The following NOC3L variants were observed in gnomAD, a reference collection of about 807,000 sequenced individuals.
NOC3L encodes the protein nucleolar complex protein 3 homolog.
In NOC3L, 85 loss-of-function variants were observed where a neutral mutation model predicts 102.5. That is an observed-to-expected ratio of 0.83 (90% confidence interval 0.70 to 0.99). NOC3L has a LOEUF of 0.99. NOC3L is among the 50% of genes least tolerant of loss of function. The probability of loss-of-function intolerance (pLI) is 0.00; values close to 1 mark genes in which losing one functional copy is unlikely to be tolerated. For synonymous variants in NOC3L, 303 were observed against 309.4 expected (o/e 0.98, Z 0.22); for missense variants, 878 against 914.9 (o/e 0.96, Z 0.52).
chr10:94,353,261 G>C (rs2054444016), intron 6 of NOC3L, among the ~76,000 whole-genome samples: 2 of 152,192 alleles, frequency 1.3e-5, no homozygotes, highest in African/African-American at 4.8e-5. Flanking sequence ...GTCCGTTCTT[G>C]TATTGCTAGA....
At chr10:94,328,201 C>T in the NOC3L span, 6 of 310,864 alleles carry the variant, frequency 1.9e-5, no homozygotes, top group Non-Finnish European at 3.4e-5. Context: ...AAAATCGTCA[C>T]GAATTGACTT....
At position 94,349,721 on chromosome 10, in the gene NOC3L, G is replaced by A. The variant is rs12359263; in HGVS notation, c.1129-343C>T. On this transcript the variant is annotated intron_variant, in intron 9 of 20. Transcript: ENST00000371361. The stretch of plus-strand genomic sequence containing the variant: ...TAACTTCAGAAGAATTTTGTAGGGG[G>A]AAAAAAATCACATGGTGTATAATTT... 2.0e-5 allele frequency among the ~76,000 whole-genome samples: 3 copies of A among 152,020 alleles called. No homozygotes were observed. The South Asian group carries it at 6.2e-4, about 32-fold the overall frequency.
In NOC3L at chr10:94,344,863, T is replaced by A. The variant is rs1274589884; in HGVS notation, c.1460A>T (p.Lys487Ile). ...TATGAAACTGCCTACCAGTTTAAGT[T>A]TTTTCTCAGTACTCTCTGAAGCTTC... is the stretch of plus-strand genomic sequence containing the variant. Reference protein sequence around the residue: ...EAEASESTEKKLKLHTETLNI... With the variant: ...EAEASESTEKILKLHTETLNI... Residue 487 changes from lysine (K) to isoleucine (I), a missense_variant, in exon 12 of 21, where the codon AAA becomes ATA. Physicochemically the swap from Lys to Ile is moderately radical, Grantham distance 102. Coordinates refer to ENST00000371361, the MANE Select transcript of NOC3L (RefSeq NM_022451.11). 50 of 1,601,188 alleles carry A rather than the reference T, an allele frequency of 3.1e-5. No individual in the cohort carries two copies. The highest frequency in any genetic ancestry group is 4.1e-5 in the Non-Finnish European group (48 of 1,176,848).
intron 13 of NOC3L, among the ~76,000 whole-genome samples, chr10:94,343,044 A>G (rs1476811851): frequency 6.6e-6 from 1 of 151,506 alleles, no homozygotes; most frequent in Non-Finnish European, 1.5e-5. Context: ...AGATTACGTC[A>G]CTGCAACCCA....
Position 94,352,877 on chromosome 10 carries a change from T to C in NOC3L, c.858+19A>G. 1.9e-6 allele frequency: 3 copies of C among 1,596,618 alleles called. No homozygotes were observed. Among genetic ancestry groups the C allele is most frequent in the Non-Finnish European group, 1.7e-6 (2 of 1,169,856 alleles). Reference sequence around the variant, plus strand: ...TTAGTTATTTTAGATAGTAATTATATCTAGCAATCTAGCATTACCTTAGTA... The same window carrying C: ...TTAGTTATTTTAGATAGTAATTATACCTAGCAATCTAGCATTACCTTAGTA... On this transcript the variant is annotated intron_variant, in intron 7 of 20. Transcript: ENST00000371361.
chr10:94,359,540 C>T (rs545665010), intron 2 of NOC3L, among the ~76,000 whole-genome samples: 77 of 151,674 alleles, frequency 5.1e-4, no homozygotes, highest in African/African-American at 1.7e-3. Context: ...TTTAAATGAG[C>T]CTTCTAAATT....
chr10:94,340,047 G>A (rs1456573520), intron 16 of NOC3L, 127 bp from the exon 17 acceptor site: 2 of 827,418 alleles, frequency 2.4e-6, no homozygotes, highest in Admixed American at 5.4e-5. Context: ...AATCAATGAG[G>A]TAGTGCTATA....
the NOC3L span, among the ~76,000 whole-genome samples, chr10:94,318,258 T>C: frequency 1.3e-5 from 2 of 152,320 alleles, no homozygotes; most frequent in Admixed American, 6.5e-5. Context: ...CACTTTATGA[T>C]AAAATATCAG....
downstream of NOC3L, chr10:94,329,894 T>A (rs569275726): frequency 4.0e-5 from 6 of 149,572 alleles, no homozygotes; most frequent in Admixed American, 1.3e-4. Context: ...GTCAACAGAA[T>A]TCAGGCTATT....
At chr10:94,357,989 A>G (rs1471958870) in intron 3 of NOC3L, 94 bp downstream of exon 3, 1 of 768,558 alleles carries the variant, frequency 1.3e-6, no homozygotes, top group East Asian at 2.4e-5. Flanking sequence ...CATTGTGCTC[A>G]AAGGTGAACA....
the NOC3L span, among the ~76,000 whole-genome samples, chr10:94,319,860 T>TCAAAG: frequency 3.6e-5 from 5 of 137,942 alleles, no homozygotes; most frequent in South Asian, 2.3e-4. Flanking sequence ...GGCTCAAAGG[T>TCAAAG]GCTCTTTTTT....
Position 94,334,373 on chromosome 10 carries a change from A to C in NOC3L, c.2275-68T>G, listed in dbSNP as rs550402216. On this transcript the variant is annotated intron_variant, in intron 20 of 20. Transcript: ENST00000371361. The stretch of plus-strand genomic sequence containing the variant: ...ATAAGCTAAAGCCAACCTGTGAACC[A>C]AGTTGAAAATGGCAACAGCTGACAC... 119 of 1,034,262 alleles carry C rather than the reference A, an allele frequency of 1.2e-4. No homozygotes were observed. In the African/African-American group the frequency reaches 1.6e-3, roughly 14 times the overall value. 64.1% of individuals were successfully genotyped at this position (1,034,262 alleles called of 1,614,324 possible). A position where few individuals can be genotyped will look rare whatever the true frequency, so the allele number is the denominator to read the frequency against.
the NOC3L span, among the ~76,000 whole-genome samples, chr10:94,316,296 C>G: frequency 6.6e-6 from 1 of 152,170 alleles, no homozygotes; most frequent in African/African-American, 2.4e-5. Flanking sequence ...ACTAGGAGCT[C>G]TCATTCCAGC....
At chr10:94,344,789 A>G (rs1589569440) in intron 12 of NOC3L, 64 bp downstream of exon 12, 2 of 1,324,108 alleles carry the variant, frequency 1.5e-6, no homozygotes, top group East Asian at 4.6e-5. Flanking sequence ...AGCTGAAACA[A>G]TAAATTTCTA....
At chr10:94,360,362 A>G (rs1279522306) in intron 2 of NOC3L, among the ~76,000 whole-genome samples, 1 of 152,160 alleles carries the variant, frequency 6.6e-6, no homozygotes, top group African/African-American at 2.4e-5. Flanking sequence ...GTACATGTAC[A>G]CAATGTAGTA....
intron 13 of NOC3L, among the ~76,000 whole-genome samples, chr10:94,342,615 G>A (rs2054298778): frequency 2.0e-5 from 3 of 149,886 alleles, no homozygotes; most frequent in Admixed American, 6.7e-5. Context: ...GCAAATAGGC[G>A]ACTGACCAAA....
At position 94,361,641 on chromosome 10, in the gene NOC3L, AGCACATGATG is replaced by A; in HGVS notation, c.217+14_217+23del. Reference sequence around the variant, plus strand: ...TTCAGAATAAATCAATGGAAACCAGAGCACATGATGTTTTCACAATTACCTGGTCGCTTTT... The same window carrying A: ...TTCAGAATAAATCAATGGAAACCAGATTTTCACAATTACCTGGTCGCTTTT... On this transcript the variant is annotated intron_variant, in intron 2 of 20. Transcript: ENST00000371361. The A allele has an allele frequency of 6.2e-7, 1 of 1,600,022 alleles. No homozygotes were observed. Among genetic ancestry groups the A allele is most frequent in the Non-Finnish European group, 8.6e-7 (1 of 1,169,144 alleles).
At position 94,340,510 on chromosome 10, in the gene NOC3L, AG is replaced by A. The variant is rs112584680; in HGVS notation, c.1645-15del. 1,110 of 714,492 alleles carry A rather than the reference AG, an allele frequency of 1.6e-3. 3 individuals carry two copies. The highest frequency in any genetic ancestry group is 6.6e-3 in the Middle Eastern group (16 of 2,426). 44.3% of individuals were successfully genotyped at this position (714,492 alleles called of 1,614,324 possible). On this transcript the variant is annotated splice_polypyrimidine_tract_variant and intron_variant, in intron 14 of 20. Transcript: ENST00000371361. ...ATAGCTTAGGTCCTTTAAAAAAAAA[AG>A]GGGGGGGTGAGGGGGATGGAATATT...
rs1241983286 is a variant in NOC3L at position 94,333,686 on chromosome 10, A to G, written c.*491T>C. 1 of 152,156 alleles carries G rather than the reference A, an allele frequency of 6.6e-6. No homozygotes were observed. Among genetic ancestry groups the G allele is most frequent in the Admixed American group, 6.5e-5 (1 of 15,268 alleles). The allele number at this position is 152,156 out of a possible 1,614,324, so 9.4% of individuals were successfully genotyped here. ...ACAAGCTATTTTTTTCTTTTCTCAA[A>G]TATCTTCATAAAAATATATTAACTC... On this transcript the variant is annotated 3_prime_UTR_variant, in exon 21 of 21. Transcript: ENST00000371361.
Sources: gnomAD v4.1 joint callset for allele counts (sites outside exome capture counted in the v4.1 genomes callset) on GRCh38, gnomAD v4.1.1 for gene constraint, MANE v1.5 for transcripts, NCBI Gene and HGNC (gene_info 2026-07-23, HGNC 2026-07-21) for gene names.